The following TCF4 variants were observed in gnomAD, a reference collection of about 807,000 sequenced individuals.
TCF4 encodes SL3-3 enhancer factor 2.
In TCF4, 3 loss-of-function variants were observed where a neutral mutation model predicts 82.1. That is an observed-to-expected ratio of 0.04 (90% CI 0.02 to 0.09). The LOEUF is 0.09. Among genes scored for constraint, TCF4 ranks in the 10% least tolerant of loss-of-function variants. TCF4 has a pLI of 1.00. For missense variants in TCF4, 518 were observed against 852.7 expected (o/e 0.61, Z 4.89); for synonymous variants, 276 against 309.6 (o/e 0.89, Z 1.14).
intron 6 of TCF4, among the ~76,000 whole-genome samples, chr18:55,364,782 C>T (rs1488495032): frequency 1.3e-5 from 2 of 152,138 alleles, no homozygotes; most frequent in African/African-American, 4.8e-5. Context: ...GACCACTTGA[C>T]TGATTTTTAA....
intron 2 of TCF4, among the ~76,000 whole-genome samples, chr18:55,627,511 C>T (rs1463619168): frequency 1.3e-5 from 2 of 152,192 alleles, no homozygotes; most frequent in African/African-American, 2.4e-5. Flanking sequence ...CACCTGTAAT[C>T]TCAGCACTTT....
rs1017468224 is a variant in TCF4, at chr18:55,361,343, C to T, written c.370-10340G>A. ...CACACATTTCTCCACTAAGATGCAC[C>T]GAATACCTACTATGGGCCAGCCACT... On this transcript the variant is annotated intron_variant, in intron 6 of 19. Transcript: ENST00000354452. Among the ~76,000 whole-genome samples, 2 of 152,086 alleles carry T rather than the reference C, an allele frequency of 1.3e-5. 1 individual carries two copies. The highest frequency in any genetic ancestry group is 4.2e-4 in the South Asian group (2 of 4,814).
At chr18:55,571,909 A>C (rs1175689804) in intron 3 of TCF4, among the ~76,000 whole-genome samples, 1 of 151,886 alleles carries the variant, frequency 6.6e-6, no homozygotes, top group African/African-American at 2.4e-5. Context: ...ATGCTGTTGA[A>C]ACTCTCTGTG....
intron 9 of TCF4, among the ~76,000 whole-genome samples, chr18:55,278,856 C>T (rs758329272): frequency 1.3e-5 from 2 of 152,336 alleles, no homozygotes; most frequent in East Asian, 1.9e-4. Context: ...CGTGAGCCAC[C>T]GCACTCGGCC....
rs201657057 is a variant in TCF4, at chr18:55,418,003, ATGTGTGTGTGTG to A, written c.305-14497_305-14486del. ...TCCTGAGGATGATTTTCTTGAGCAA[ATGTGTGTGTGTG>A]TGTGTGTGTGTGTGTGTGTGTGTGT... On this transcript the variant is annotated intron_variant, in intron 5 of 19. Coordinates refer to ENST00000354452, the MANE Select transcript of TCF4 (RefSeq NM_001083962.2). Among the ~76,000 whole-genome samples the A allele has an allele frequency of 2.8e-3, 398 of 143,450 alleles. 2 individuals carry two copies. The highest frequency in any genetic ancestry group is 8.1e-3 in the African/African-American group (318 of 39,140). The allele number at this position is 143,450 out of a possible 152,430, so 94.1% of individuals were successfully genotyped here.
intron 16 of TCF4, 65 bp downstream of exon 16, chr18:55,234,483 C>T: frequency 1.2e-6 from 2 of 1,606,292 alleles, no homozygotes; most frequent in South Asian, 2.2e-5. Context: ...CACCAAGAGG[C>T]TGGGTATCAA....
At chr18:55,396,816 G>A (rs2093522336) in intron 6 of TCF4, among the ~76,000 whole-genome samples, 1 of 152,104 alleles carries the variant, frequency 6.6e-6, no homozygotes, top group Non-Finnish European at 1.5e-5. Context: ...TCCAGGTAAG[G>A]AAACATTAGA....
At chr18:55,333,426 G>T (rs949293762) in intron 8 of TCF4, among the ~76,000 whole-genome samples, 2 of 151,218 alleles carry the variant, frequency 1.3e-5, no homozygotes, top group Non-Finnish European at 2.9e-5. Context: ...TATCTCTATT[G>T]TCTATGGCAC....
chr18:55,445,469 CAAGAT>C (rs933118450), intron 5 of TCF4, among the ~76,000 whole-genome samples: 11 of 152,160 alleles, frequency 7.2e-5, no homozygotes, highest in Middle Eastern at 3.4e-3. Context: ...TGGTGGGAGG[CAAGAT>C]AGCATGTGCA....
chr18:55,622,049 T>G (rs1568502138), intron 2 of TCF4, among the ~76,000 whole-genome samples: 1 of 136,826 alleles, frequency 7.3e-6, no homozygotes, highest in African/African-American at 2.7e-5. Context: ...ACACTATATA[T>G]AATATATATA....
At chr18:55,510,676 T>C in intron 3 of TCF4, 1 of 1,480,054 alleles carries the variant, frequency 6.8e-7, no homozygotes, top group Non-Finnish European at 8.9e-7. Flanking sequence ...CTTTTAAAGT[T>C]TGTGAACTGA....
intron 8 of TCF4, among the ~76,000 whole-genome samples, chr18:55,291,077 AC>A (rs1434879432): frequency 2.0e-5 from 3 of 152,292 alleles, no homozygotes; most frequent in Admixed American, 2.0e-4. Flanking sequence ...TAAGTGGTCA[AC>A]CATGCTACCC....
chr18:55,327,235 T>C (rs1348096950), intron 8 of TCF4, among the ~76,000 whole-genome samples: 4 of 152,186 alleles, frequency 2.6e-5, no homozygotes, highest in African/African-American at 9.6e-5. Flanking sequence ...AAAATATTTA[T>C]CTCAGATAAA....
Position 55,225,841 on chromosome 18 carries a change from T to C in TCF4, c.*2194A>G, listed in dbSNP as rs188114891. ...ACAAATCAAAGTTATTTTAGTTTTA[T>C]CGCTACTGAACATATTTACAGTTTT... On this transcript the variant is annotated 3_prime_UTR_variant, in exon 20 of 20. Transcript: ENST00000354452. The C allele has an allele frequency of 1.1e-3, 161 of 152,730 alleles. No homozygotes were observed. Among genetic ancestry groups the C allele is most frequent in the African/African-American group, 3.7e-3 (153 of 41,588 alleles). The allele number at this position is 152,730 out of a possible 1,614,324, so 9.5% of individuals were successfully genotyped here. A position where few individuals can be genotyped will look rare whatever the true frequency, so the allele number is the denominator to read the frequency against.
upstream of TCF4, chr18:55,588,661 C>G (rs2097675491): frequency 7.5e-6 from 10 of 1,325,568 alleles, no homozygotes; most frequent in South Asian, 1.9e-4. Flanking sequence ...GCTGCAAATA[C>G]ACGTGATGCA....
At chr18:55,331,594 A>C (rs1365985016) in intron 8 of TCF4, among the ~76,000 whole-genome samples, 1 of 152,220 alleles carries the variant, frequency 6.6e-6, no homozygotes. Flanking sequence ...TTGTCGGAAA[A>C]ACACGATAGC....
chr18:55,536,613 A>G (rs761673540), intron 3 of TCF4, among the ~76,000 whole-genome samples: 1 of 152,246 alleles, frequency 6.6e-6, no homozygotes, highest in Admixed American at 6.5e-5. Flanking sequence ...TATAAGACAT[A>G]TGACAATGCT....
chr18:55,556,687 T>G (rs1330070914), intron 3 of TCF4, among the ~76,000 whole-genome samples: 3 of 152,200 alleles, frequency 2.0e-5, no homozygotes. Context: ...CTTTTCCCAT[T>G]GTATAATAAA....
At chr18:55,594,510 C>G (rs931211671) in intron 2 of TCF4, among the ~76,000 whole-genome samples, 2 of 152,198 alleles carry the variant, frequency 1.3e-5, no homozygotes, top group African/African-American at 2.4e-5. Flanking sequence ...TCTGTACCCT[C>G]AAGATGCACA....
Sources: allele counts gnomAD v4.1 joint callset (sites outside exome capture counted in the v4.1 genomes callset), GRCh38; gene constraint gnomAD v4.1.1; transcripts MANE v1.5; gene names NCBI Gene and HGNC (gene_info 2026-07-23, HGNC 2026-07-21).